Variants in GLT8D2 observed in about 807,000 individuals in gnomAD.
GLT8D2 encodes glycosyltransferase 8 domain containing 2, also known as glycosyltransferase 8 domain-containing protein 2.
In GLT8D2, 45 loss-of-function variants were observed where a neutral mutation model predicts 44.5. That is an observed-to-expected ratio of 1.01 (90% confidence interval 0.80 to 1.30). The LOEUF (loss-of-function observed/expected upper bound fraction) is 1.30, where lower values mean the gene tolerates loss of function less well. GLT8D2 is among the 50% of genes most tolerant of loss of function. The probability of loss-of-function intolerance (pLI) is 0.00; values close to 1 mark genes in which losing one functional copy is unlikely to be tolerated. For missense variants in GLT8D2, 400 were observed against 430.4 expected (o/e 0.93, Z 0.62); for synonymous variants, 156 against 157.2 (o/e 0.99, Z 0.06).
chr12:104,013,688 C>T (rs1466988045), intron 4 of GLT8D2, among the ~76,000 whole-genome samples: 5 of 151,898 alleles, frequency 3.3e-5, no homozygotes, highest in African/African-American at 1.2e-4. Flanking sequence ...GTTGTGTTTC[C>T]AGTCCCTAAG....
At position 103,999,640 on chromosome 12, in the gene GLT8D2, A is replaced by C. The variant is rs1269199286; in HGVS notation, c.285-126T>G. 6.2e-6 allele frequency: 4 copies of C among 647,586 alleles called. No homozygotes were observed. The Admixed American group carries it at 9.3e-5, about 15-fold the overall frequency. 40.1% of individuals were successfully genotyped at this position (647,586 alleles called of 1,614,324 possible). A position where few individuals can be genotyped will look rare whatever the true frequency, so the allele number is the denominator to read the frequency against. On this transcript the variant is annotated intron_variant, in intron 5 of 10. Coordinates refer to ENST00000360814, the MANE Select transcript of GLT8D2 (RefSeq NM_001384711.1). Reference sequence around the variant, plus strand: ...ATTAAAATGTGCGTAAATTTAGTAGAGTTTAGTCCAATAAATCCCTCTGAC... The same window carrying C: ...ATTAAAATGTGCGTAAATTTAGTAGCGTTTAGTCCAATAAATCCCTCTGAC...
chr12:104,059,630 G>A (rs1290113049), intron 1 of GLT8D2, among the ~76,000 whole-genome samples: 2 of 152,198 alleles, frequency 1.3e-5, no homozygotes, highest in Non-Finnish European at 2.9e-5. Flanking sequence ...CCAGCTCAGA[G>A]TCCAGATTCT....
upstream of GLT8D2, among the ~76,000 whole-genome samples, chr12:104,051,688 T>C (rs1022632124): frequency 2.5e-4 from 38 of 152,120 alleles, no homozygotes; most frequent in Non-Finnish European, 4.4e-5. Flanking sequence ...TATCTAGCTA[T>C]AATTTTATAT....
At chr12:104,012,189 A>AAAAT (rs1566197200) in intron 4 of GLT8D2, among the ~76,000 whole-genome samples, 2 of 98,454 alleles carry the variant, frequency 2.0e-5, no homozygotes, top group Non-Finnish European at 3.8e-5. Context: ...AAAAAAAAAA[A>AAAAT]ATATATATAT....
At chr12:104,055,479 T>C (rs929315078) in intron 1 of GLT8D2, among the ~76,000 whole-genome samples, 6 of 152,256 alleles carry the variant, frequency 3.9e-5, no homozygotes, top group Admixed American at 1.3e-4. Flanking sequence ...TCATGGAAAA[T>C]CTTGCTATGT....
chr12:104,054,953 A>T (rs1882050873), upstream of GLT8D2, among the ~76,000 whole-genome samples: 1 of 152,108 alleles, frequency 6.6e-6, no homozygotes. Flanking sequence ...AATGGTGGAG[A>T]CTTTTTAAAA....
In GLT8D2 at chr12:104,022,031, AGAAGAAGAAGAAGAAGAAGAAGAAGGG is replaced by A. The variant is rs1357605271; in HGVS notation, c.-163-567_-163-541del. On this transcript the variant is annotated intron_variant, in intron 1 of 10. Coordinates refer to ENST00000360814, the MANE Select transcript of GLT8D2 (RefSeq NM_001384711.1). ...AAGAAGAAGAAGAAGAAAAAGAAGA[AGAAGAAGAAGAAGAAGAAGAAGAAGGG>A]AAAGAAAGAAAGAAAGAAAAAAAAA... 2.0e-3 allele frequency among the ~76,000 whole-genome samples: 278 copies of A among 135,962 alleles called. 35 individuals are homozygous for A. The highest frequency in any genetic ancestry group is 8.1e-3 in the African/African-American group (267 of 33,030). The allele number at this position is 135,962 out of a possible 152,430, so 89.2% of individuals were successfully genotyped here. A position where few individuals can be genotyped will look rare whatever the true frequency, so the allele number is the denominator to read the frequency against.
intron 1 of GLT8D2, among the ~76,000 whole-genome samples, chr12:104,026,219 C>A (rs1878548098): frequency 6.7e-6 from 1 of 148,404 alleles, no homozygotes; most frequent in South Asian, 2.1e-4. Flanking sequence ...AAGGGGGTTG[C>A]AGTGAGCCGA....
upstream of GLT8D2, among the ~76,000 whole-genome samples, chr12:104,054,557 T>C (rs1391391457): frequency 6.6e-6 from 1 of 151,846 alleles, no homozygotes; most frequent in Admixed American, 6.5e-5. Flanking sequence ...TTATTTCCTT[T>C]GGATACCTGC....
In GLT8D2 at chr12:103,994,332, T is replaced by A; in HGVS notation, c.767+3A>T. On this transcript the variant is annotated splice_donor_region_variant and intron_variant, in intron 9 of 10. Transcript: ENST00000360814. ...AAAAAATGGTAGAGAAGCCTTCACG[T>A]ACTCCACATTCTTTTGCATCCATTT... 6.2e-7 allele frequency: 1 copy of A among 1,605,102 alleles called. No homozygotes were observed. Among genetic ancestry groups the A allele is most frequent in the Non-Finnish European group, 8.5e-7 (1 of 1,174,692 alleles).
intron 4 of GLT8D2, among the ~76,000 whole-genome samples, chr12:104,004,771 AG>A (rs1874742230): frequency 6.6e-6 from 1 of 152,244 alleles, no homozygotes; most frequent in Admixed American, 6.5e-5. Flanking sequence ...GCTCATGGAT[AG>A]GAAGAATCAA....
At chr12:104,062,812 T>C (rs939645896) in intron 1 of GLT8D2, among the ~76,000 whole-genome samples, 3 of 152,166 alleles carry the variant, frequency 2.0e-5, no homozygotes, top group African/African-American at 7.2e-5. Flanking sequence ...ACTTGTATTG[T>C]GGATATTTAA....
intron 1 of GLT8D2, among the ~76,000 whole-genome samples, chr12:104,023,855 C>T (rs1878223771): frequency 6.6e-6 from 1 of 152,152 alleles, no homozygotes; most frequent in Non-Finnish European, 1.5e-5. Flanking sequence ...CTAGCTATTG[C>T]CTTTACCAAT....
chr12:104,058,091 G>C (rs1214452334), intron 1 of GLT8D2, among the ~76,000 whole-genome samples: 2 of 152,180 alleles, frequency 1.3e-5, no homozygotes, highest in Non-Finnish European at 2.9e-5. Flanking sequence ...GAGCTGGGAT[G>C]GTAGTCTCAC....
chr12:104,059,620 C>T (rs1262940084), intron 1 of GLT8D2, among the ~76,000 whole-genome samples: 1 of 152,114 alleles, frequency 6.6e-6, no homozygotes, highest in African/African-American at 2.4e-5. Flanking sequence ...GGTCATGTGC[C>T]CAGCTCAGAG....
chr12:104,056,845 G>A (rs1435663062), intron 1 of GLT8D2, among the ~76,000 whole-genome samples: 2 of 152,222 alleles, frequency 1.3e-5, no homozygotes, highest in African/African-American at 2.4e-5. Context: ...CTGGTCACTG[G>A]ACATCTGTTA....
In GLT8D2 at chr12:104,022,057, G is replaced by GGAAA. The variant is rs199560501; in HGVS notation, c.-163-570_-163-567dup. ...GAAGAAGAAGAAGAAGAAGAAGAAG[G>GGAAA]GAAAGAAAGAAAGAAAGAAAAAAAA... On this transcript the variant is annotated intron_variant, in intron 1 of 10. Coordinates refer to ENST00000360814, the MANE Select transcript of GLT8D2 (RefSeq NM_001384711.1). Among the ~76,000 whole-genome samples, 6 of 90,656 alleles carry GGAAA rather than the reference G, an allele frequency of 6.6e-5. 1 individual carries two copies. Among genetic ancestry groups the GGAAA allele is most frequent in the South Asian group, 3.6e-4 (1 of 2,756 alleles). 59.5% of individuals were successfully genotyped at this position (90,656 alleles called of 152,430 possible).
At chr12:104,030,160 T>C (rs968333237) in intron 1 of GLT8D2, among the ~76,000 whole-genome samples, 1 of 152,092 alleles carries the variant, frequency 6.6e-6, no homozygotes, top group Admixed American at 6.6e-5. Context: ...CAATGGAACA[T>C]AGACCAATGG....
At chr12:103,994,298 C>A in intron 9 of GLT8D2, 37 bp downstream of exon 9, 1 of 1,554,548 alleles carries the variant, frequency 6.4e-7, no homozygotes, top group Non-Finnish European at 8.7e-7. Context: ...ATTTTGTTTC[C>A]AAGCATGGAA....
Sources: allele counts gnomAD v4.1 joint callset (sites outside exome capture counted in the v4.1 genomes callset), GRCh38; gene constraint gnomAD v4.1.1; transcripts MANE v1.5; gene names NCBI Gene and HGNC (gene_info 2026-07-23, HGNC 2026-07-21).